Variants in FGF14 observed in about 807,000 individuals in gnomAD.
The protein encoded by FGF14 is fibroblast growth factor 14.
A neutral mutation model predicts 25.5 loss-of-function variants in FGF14; 5 were observed. The observed-to-expected ratio is 0.20, with a 90% CI of 0.10 to 0.41. FGF14 has a LOEUF of 0.41. FGF14 is among the 10% of genes least tolerant of loss of function. FGF14 has a pLI of 1.00. For synonymous variants in FGF14, 138 were observed against 118.3 expected, an observed-to-expected ratio of 1.17 and a Z score of -1.08; for missense variants, 222 against 320.1, an observed-to-expected ratio of 0.69 and a Z score of 2.34.
intron 1 of FGF14, among the ~76,000 whole-genome samples, chr13:102,026,977 A>T (rs974927271): frequency 1.3e-5 from 2 of 152,020 alleles, no homozygotes; most frequent in Admixed American, 1.3e-4. Flanking sequence ...CTTTCTACCC[A>T]TTGTAGTAAA....
chr13:101,778,132 G>A (rs530675378), intron 3 of FGF14, among the ~76,000 whole-genome samples: 14 of 152,214 alleles, frequency 9.2e-5, no homozygotes, highest in African/African-American at 2.9e-4. Flanking sequence ...AGGAAAGTCC[G>A]GCTGCCAAAT....
At chr13:101,913,951 C>A (rs1352212379) in intron 1 of FGF14, among the ~76,000 whole-genome samples, 1 of 152,130 alleles carries the variant, frequency 6.6e-6, no homozygotes, top group Non-Finnish European at 1.5e-5. Flanking sequence ...GCAGGAACTT[C>A]AACTCTTCTA....
intron 1 of FGF14, among the ~76,000 whole-genome samples, chr13:101,949,721 T>C (rs898733346): frequency 6.6e-6 from 1 of 152,178 alleles, no homozygotes; most frequent in African/African-American, 2.4e-5. Flanking sequence ...TTGCTTGCTG[T>C]GGGATACACT....
intron 1 of FGF14, among the ~76,000 whole-genome samples, chr13:102,303,722 C>A (rs953479291): frequency 2.0e-5 from 3 of 152,146 alleles, no homozygotes; most frequent in Non-Finnish European, 4.4e-5. Flanking sequence ...CACATCCCAA[C>A]CCATTGTTTT....
At chr13:101,987,507 A>T (rs1234717254) in intron 1 of FGF14, among the ~76,000 whole-genome samples, 3 of 152,030 alleles carry the variant, frequency 2.0e-5, no homozygotes, top group African/African-American at 7.2e-5. Flanking sequence ...CTTTTTTCTA[A>T]AACATAGCAA....
intron 1 of FGF14, among the ~76,000 whole-genome samples, chr13:101,924,671 T>C (rs1353060079): frequency 1.3e-5 from 2 of 152,202 alleles, no homozygotes; most frequent in Admixed American, 6.5e-5. Context: ...TATAATAGTA[T>C]GTGAAAAGCT....
At chr13:101,855,173 G>A (rs142079685) in intron 3 of FGF14, among the ~76,000 whole-genome samples, 6 of 152,022 alleles carry the variant, frequency 3.9e-5, no homozygotes, top group South Asian at 2.1e-4. Flanking sequence ...TCACTTTGAC[G>A]TGACATTAAT....
intron 3 of FGF14, among the ~76,000 whole-genome samples, chr13:101,863,071 CAA>C (rs1296299632): frequency 6.6e-6 from 1 of 151,882 alleles, no homozygotes; most frequent in Non-Finnish European, 1.5e-5. Flanking sequence ...TATATATCCC[CAA>C]AAAGTGTTAG....
intron 1 of FGF14, among the ~76,000 whole-genome samples, chr13:102,166,026 C>T (rs1254438425): frequency 6.6e-6 from 1 of 151,458 alleles, no homozygotes; most frequent in Non-Finnish European, 1.5e-5. Flanking sequence ...TCACCATCGT[C>T]CATCTCCAGA....
chr13:102,206,003 A>G (rs1425112628), intron 1 of FGF14, among the ~76,000 whole-genome samples: 1 of 32,548 alleles, frequency 3.1e-5, no homozygotes, highest in African/African-American at 4.1e-4. Context: ...AAAAAAAAAA[A>G]AAAAAAAAAA....
chr13:102,305,779 T>C (rs904360431), intron 1 of FGF14, among the ~76,000 whole-genome samples: 1 of 152,132 alleles, frequency 6.6e-6, no homozygotes, highest in Non-Finnish European at 1.5e-5. Context: ...TTTTCAGATA[T>C]TGAAGTAAAC....
At chr13:101,989,428 C>T (rs915538910) in intron 1 of FGF14, among the ~76,000 whole-genome samples, 1 of 151,928 alleles carries the variant, frequency 6.6e-6, no homozygotes, top group African/African-American at 2.4e-5. Context: ...GAATAATGTA[C>T]ATTTTGTTTC....
At position 101,755,512 on chromosome 13, in the gene FGF14, T is replaced by C. The variant is rs9585772; in HGVS notation, c.409-28702A>G. 1.0e-3 allele frequency among the ~76,000 whole-genome samples: 157 copies of C among 151,814 alleles called. 1 individual carries two copies. Among genetic ancestry groups the C allele is most frequent in the African/African-American group, 3.6e-3 (147 of 41,360 alleles). On this transcript the variant is annotated intron_variant, in intron 3 of 4. Transcript: ENST00000376143. Reference sequence around the variant, plus strand: ...CCCCGTCTCTTCCAAAAAAAATGAGTAAATAAAAAATAATGATCAAAAGAG... The same window carrying C: ...CCCCGTCTCTTCCAAAAAAAATGAGCAAATAAAAAATAATGATCAAAAGAG...
intron 3 of FGF14, among the ~76,000 whole-genome samples, chr13:101,809,870 T>C (rs2041400462): frequency 6.6e-6 from 1 of 152,136 alleles, no homozygotes; most frequent in South Asian, 2.1e-4. Context: ...CCATTATAAT[T>C]CACATCTTAT....
chr13:102,212,943 C>T (rs1349452158), intron 1 of FGF14, among the ~76,000 whole-genome samples: 1 of 152,194 alleles, frequency 6.6e-6, no homozygotes, highest in African/African-American at 2.4e-5. Flanking sequence ...CAGTGCAAAA[C>T]ACTTAGCTTT....
intron 1 of FGF14, among the ~76,000 whole-genome samples, chr13:101,910,045 A>G (rs1305784204): frequency 6.6e-6 from 1 of 151,614 alleles, no homozygotes; most frequent in Admixed American, 6.6e-5. Context: ...TTGAACAAGG[A>G]GAACACATGG....
intron 1 of FGF14, among the ~76,000 whole-genome samples, chr13:102,199,725 A>G (rs147433833): frequency 1.0e-3 from 156 of 152,280 alleles, no homozygotes; most frequent in African/African-American, 3.5e-3. Flanking sequence ...GCACTGCAAT[A>G]TATTCACTCA....
In FGF14 at chr13:102,400,332, G is replaced by T. The variant is rs1566989683; in HGVS notation, c.208+1139C>A. On this transcript the variant is annotated intron_variant, in intron 1 of 4. Coordinates refer to the FGF14 transcript ENST00000376131. The surrounding 1 kb of genome is among the most constrained non-coding windows in gnomAD (Gnocchi z 4.3). ...CCACTGCGGGACGGCCGATCTGCCC[G>T]CTCCCTCCTTCAGACACAACCCCAG... Among the ~76,000 whole-genome samples, 2 of 152,204 alleles carry T rather than the reference G, an allele frequency of 1.3e-5. No individual in the cohort carries two copies. The highest frequency in any genetic ancestry group is 2.9e-5 in the Non-Finnish European group (2 of 68,034).
chr13:102,383,250 T>C (rs966208039), intron 1 of FGF14, among the ~76,000 whole-genome samples: 8 of 152,306 alleles, frequency 5.3e-5, no homozygotes, highest in African/African-American at 1.9e-4. Flanking sequence ...ATAATTGTTA[T>C]ATCAATTATT....
Sources: gnomAD v4.1 joint callset for allele counts (sites outside exome capture counted in the v4.1 genomes callset) on GRCh38, gnomAD v4.1.1 for gene constraint, Gnocchi (gnomAD v3.1) non-coding constraint, MANE v1.5 for transcripts, NCBI Gene and HGNC (gene_info 2026-07-23, HGNC 2026-07-21) for gene names.